EHD1: variants seen among roughly 807,000 people sequenced by gnomAD.
EHD1 encodes the protein EH domain containing 1, also known as EH domain-containing protein 1.
Under a neutral mutation model 39.0 loss-of-function variants are expected in EHD1, and 19 were observed. The observed-to-expected ratio is 0.49, with a 90% confidence interval of 0.34 to 0.72. The LOEUF (loss-of-function observed/expected upper bound fraction) is 0.72. EHD1 is among the 30% of genes least tolerant of loss of function. The pLI, the probability that EHD1 is intolerant of heterozygous loss-of-function variation, is 0.01. For synonymous variants in EHD1, 323 were observed against 331.2 expected (o/e 0.98, Z 0.27); for missense variants, 542 against 751.5 (o/e 0.72, Z 3.26).
At chr11:64,856,138 G>A (rs574698358) in intron 3 of EHD1, 1 of 155,112 alleles carries the variant, frequency 6.4e-6, no homozygotes, top group South Asian at 1.7e-4. Flanking sequence ...CCCACATGGA[G>A]GAGCTGGGAT....
intron 1 of EHD1, among the ~76,000 whole-genome samples, chr11:64,876,609 G>T (rs982357601): frequency 6.6e-6 from 1 of 152,214 alleles, no homozygotes; most frequent in South Asian, 2.1e-4. Flanking sequence ...TGACCTAATG[G>T]GTGACTTCCA....
upstream of EHD1, chr11:64,878,633 C>G: frequency 7.1e-7 from 1 of 1,407,880 alleles, no homozygotes; most frequent in South Asian, 1.6e-5. Flanking sequence ...CTGCGCACCC[C>G]TCGCGGAGCG....
Position 64,878,356 on chromosome 11 carries a change from C to G in EHD1, c.109G>C (p.Glu37Gln). 1.2e-6 allele frequency: 2 copies of G among 1,614,002 alleles called. No individual in the cohort carries two copies. Among genetic ancestry groups the G allele is most frequent in the Non-Finnish European group, 1.7e-6 (2 of 1,180,034 alleles). The change falls in exon 1 of 5, where the codon GAG becomes CAG. Residue 37 changes from glutamate to glutamine, a missense_variant. Transcript: ENST00000320631. ...QLYAQKLLPL[E>Q]EHYRFHEFHS... ...AACTCGTGGAAGCGGTAGTGCTCCT[C>G]CAGGGGTAGCAGCTTCTGCGCGTAC...
intron 2 of EHD1, among the ~76,000 whole-genome samples, chr11:64,864,326 G>C (rs535680723): frequency 6.6e-6 from 1 of 152,368 alleles, no homozygotes; most frequent in Non-Finnish European, 1.5e-5. Flanking sequence ...GAAGGGCATC[G>C]TGCCAGGGCA....
At chr11:64,873,754 G>A (rs1415330163) in intron 2 of EHD1, among the ~76,000 whole-genome samples, 1 of 151,362 alleles carries the variant, frequency 6.6e-6, no homozygotes, top group Non-Finnish European at 1.5e-5. Flanking sequence ...TCGGCTCACT[G>A]CAAGCTCTAC....
chr11:64,854,771 G>A lies in EHD1; in HGVS notation c.1167C>T (p.Asp389=), dbSNP rs754217025. Reference sequence around the variant, plus strand: ...GCACCATCACCATCAGCCGCGCGATGTCGTTGGCCAGCATGTCATCCACCG... The same window carrying A: ...GCACCATCACCATCAGCCGCGCGATATCGTTGGCCAGCATGTCATCCACCG... The part of the protein sequence containing the change: ...LDTVDDMLAN[D]IARLMVMVRQ... Residue 389 remains aspartate, a synonymous_variant, in exon 5 of 5, where the codon GAC becomes GAT. Coordinates refer to ENST00000320631, the MANE Select transcript of EHD1 (RefSeq NM_006795.4). The A allele has an allele frequency of 8.1e-6, 13 of 1,608,364 alleles. No homozygotes were observed. The highest frequency in any genetic ancestry group is 1.1e-5 in the Non-Finnish European group (13 of 1,180,004).
chr11:64,876,808 C>T (rs1224880862), intron 1 of EHD1, among the ~76,000 whole-genome samples: 1 of 152,256 alleles, frequency 6.6e-6, no homozygotes, highest in African/African-American at 2.4e-5. Flanking sequence ...TCCGCCTCTT[C>T]AGGACCCTTA....
At chr11:64,873,645 G>A (rs532008400) in intron 2 of EHD1, among the ~76,000 whole-genome samples, 1 of 152,188 alleles carries the variant, frequency 6.6e-6, no homozygotes, top group African/African-American at 2.4e-5. Flanking sequence ...CTGTGGAGAT[G>A]GGAGGCTGAT....
chr11:64,879,133 T>A, upstream of EHD1: 2 of 1,004,688 alleles, frequency 2.0e-6, no homozygotes, highest in Non-Finnish European at 2.4e-6. Flanking sequence ...AGACACACAC[T>A]GTCTTTGTCC....
rs1333905990 is a variant in EHD1, at chr11:64,868,586, T to C, written c.502+5835A>G. Among the ~76,000 whole-genome samples the C allele has an allele frequency of 6.6e-6, 1 of 152,252 alleles. No individual in the cohort carries two copies. The highest frequency in any genetic ancestry group is 1.5e-5 in the Non-Finnish European group (1 of 68,040). On this transcript the variant is annotated intron_variant, in intron 2 of 4. Coordinates refer to ENST00000320631, the MANE Select transcript of EHD1 (RefSeq NM_006795.4). The surrounding 1 kb of genome is among the most constrained non-coding windows in gnomAD (Gnocchi z 4.2). ...GGTGGAAGCAAAAGGCTTCATCCTG[T>C]ATGATTCCATTTAGGTGACATTCCG...
intron 3 of EHD1, among the ~76,000 whole-genome samples, chr11:64,857,771 C>G (rs992550838): frequency 2.6e-5 from 4 of 152,198 alleles, no homozygotes; most frequent in African/African-American, 9.7e-5. Flanking sequence ...CCAGGAAGTG[C>G]CCATCCTCAG....
upstream of EHD1, chr11:64,878,684 C>A (rs912768936): frequency 9.6e-6 from 13 of 1,349,882 alleles, no homozygotes; most frequent in Non-Finnish European, 1.2e-5. Context: ...CTAGCGCCGC[C>A]GCGGCGGGGG....
intron 4 of EHD1, chr11:64,855,117 C>A: frequency 2.2e-6 from 2 of 929,006 alleles, no homozygotes; most frequent in South Asian, 3.5e-5. Flanking sequence ...CCCCCCACCA[C>A]GCAGGGTGAG....
chr11:64,869,893 A>G (rs1943809469), intron 2 of EHD1, among the ~76,000 whole-genome samples: 1 of 152,190 alleles, frequency 6.6e-6, no homozygotes, highest in African/African-American at 2.4e-5. Flanking sequence ...CCCACGGCGC[A>G]GGCCTGCCTC....
intron 2 of EHD1, among the ~76,000 whole-genome samples, chr11:64,869,405 A>G (rs970911832): frequency 2.6e-5 from 4 of 152,218 alleles, no homozygotes; most frequent in African/African-American, 9.6e-5. Context: ...CTGGAACCCA[A>G]CGGGAAACCC....
chr11:64,866,464 G>A (rs1943767980), intron 2 of EHD1, among the ~76,000 whole-genome samples: 1 of 152,060 alleles, frequency 6.6e-6, no homozygotes, highest in Non-Finnish European at 1.5e-5. Flanking sequence ...GGGAGGCTGA[G>A]GCAGGAGGAC....
At chr11:64,869,883 C>G (rs1215633432) in intron 2 of EHD1, among the ~76,000 whole-genome samples, 2 of 152,194 alleles carry the variant, frequency 1.3e-5, no homozygotes, top group African/African-American at 2.4e-5. Context: ...GTGGGGGCGG[C>G]CCACGGCGCA....
At position 64,878,386 on chromosome 11, in the gene EHD1, G is replaced by T; in HGVS notation, c.79C>A (p.Gln27Lys). 6.2e-7 allele frequency: 1 copy of T among 1,613,910 alleles called. No homozygotes were observed. Among genetic ancestry groups the T allele is most frequent in the Non-Finnish European group, 8.5e-7 (1 of 1,180,022 alleles). ...LFQTVAEGLRQLYAQKLLPLE... is the reference protein window; with the variant it reads ...LFQTVAEGLRKLYAQKLLPLE... ...GGTAGCAGCTTCTGCGCGTACAGCT[G>T]CCGCAGCCCCTCAGCCACCGTCTGG... Residue 27 changes from glutamine to lysine, a missense_variant, in exon 1 of 5, where the codon CAG (glutamine) becomes AAG (lysine). Gln to Lys is a moderately conservative substitution (Grantham distance 53). Transcript: ENST00000320631.
At chr11:64,863,350 G>A (rs1943734485) in intron 2 of EHD1, among the ~76,000 whole-genome samples, 1 of 152,228 alleles carries the variant, frequency 6.6e-6, no homozygotes, top group Non-Finnish European at 1.5e-5. Flanking sequence ...GAGGTGGGAG[G>A]TCCAAGGACA....
Sources: allele counts gnomAD v4.1 joint callset (sites outside exome capture counted in the v4.1 genomes callset), GRCh38; gene constraint gnomAD v4.1.1; non-coding constraint Gnocchi (gnomAD v3.1); transcripts MANE v1.5; gene names NCBI Gene and HGNC (gene_info 2026-07-23, HGNC 2026-07-21).